Variants in CST9L observed in about 807,000 individuals in gnomAD.
The protein encoded by CST9L is cystatin-9-like.
Under a neutral mutation model 13.2 loss-of-function variants are expected in CST9L, and 17 were observed. That is an observed-to-expected ratio of 1.29 (90% CI 0.88 to 1.93). CST9L has a LOEUF of 1.93. Ranked by LOEUF, CST9L falls within the 30% of genes most tolerant of loss-of-function variation. The pLI is 0.00. For missense variants in CST9L, 170 were observed against 170.5 expected (o/e 1.00, Z 0.02); for synonymous variants, 78 against 69.1 (o/e 1.13, Z -0.64).
rs1989073152 is a variant in CST9L at position 23,565,112 on chromosome 20, G to C, written c.355-75C>G. 10 of 1,036,648 alleles carry C rather than the reference G, an allele frequency of 9.6e-6. No homozygotes were observed. In the East Asian group the frequency reaches 2.4e-4, roughly 25 times the overall value. The allele number at this position is 1,036,648 out of a possible 1,614,324, so 64.2% of individuals were successfully genotyped here. ...GCTCATGGCTCAAGCTCTGAACAAT[G>C]GCTTCCTCTCCACATTGCCCTTTCC... On this transcript the variant is annotated intron_variant, in intron 2 of 2. Transcript: ENST00000376979.
Position 23,564,894 on chromosome 20 carries a change from G to C in CST9L, c.*54C>G. The C allele has an allele frequency of 8.1e-7, 1 of 1,240,168 alleles. No homozygotes were observed. The highest frequency in any genetic ancestry group is 1.2e-6 in the Non-Finnish European group (1 of 838,408). The allele number at this position is 1,240,168 out of a possible 1,614,324, so 76.8% of individuals were successfully genotyped here. On this transcript the variant is annotated 3_prime_UTR_variant, in exon 3 of 3. Transcript: ENST00000376979. ...GAAGAGTCCTCAGGAGAGTAGTGCT[G>C]ATGTCCACGGAATGTGGGAGCAGCA...
rs6048887 is a variant in CST9L, at chr20:23,567,908, C to T, written c.240+303G>A. 2.5e-3 allele frequency among the ~76,000 whole-genome samples: 375 copies of T among 151,882 alleles called. 2 individuals carry two copies. Among genetic ancestry groups the T allele is most frequent in the African/African-American group, 8.7e-3 (360 of 41,412 alleles). ...TTCTGTTCAGCCCTTTTCCTTATTC[C>T]GTATCTTCATTTTCTTGGTAGTCCT... On this transcript the variant is annotated intron_variant, in intron 1 of 2. Transcript: ENST00000376979.
At position 23,568,301 on chromosome 20, in the gene CST9L, T is replaced by C; in HGVS notation, c.150A>G (p.Thr50=). The C allele has an allele frequency of 6.2e-7, 1 of 1,614,158 alleles. No individual in the cohort carries two copies. Among genetic ancestry groups the C allele is most frequent in the African/African-American group, 1.3e-5 (1 of 75,018 alleles). The change falls in exon 1 of 3, where the codon ACA becomes ACG. Residue 50 remains threonine, a synonymous_variant. Transcript: ENST00000376979. ...TGAATGTGTGGACAGCAAACTCCAC[T>C]GTGGCAGGGAGGTAACGAGCCATGA... ...HNVMARYLPA[T]VEFAVHTFNQ...
At chr20:23,567,070 G>A (rs1027135053) in intron 1 of CST9L, among the ~76,000 whole-genome samples, 4 of 152,212 alleles carry the variant, frequency 2.6e-5, no homozygotes, top group African/African-American at 4.8e-5. Context: ...CCAGCCCAGA[G>A]AGCAGGGGTC....
intron 1 of CST9L, 52 bp from the exon 2 acceptor site, chr20:23,566,139 G>A (rs1989093013): frequency 1.0e-6 from 1 of 984,016 alleles, no homozygotes; most frequent in African/African-American, 1.6e-5. Context: ...TTGCCCCTAA[G>A]TAGCTGCTGG....
chr20:23,565,531 C>A (rs1989080165), intron 2 of CST9L, among the ~76,000 whole-genome samples: 1 of 152,150 alleles, frequency 6.6e-6, no homozygotes, highest in Admixed American at 6.6e-5. Flanking sequence ...AGTGGGGCTC[C>A]TTCTCAGCCT....
At chr20:23,566,617 G>A (rs1989099143) in intron 1 of CST9L, among the ~76,000 whole-genome samples, 1 of 152,214 alleles carries the variant, frequency 6.6e-6, no homozygotes, top group Non-Finnish European at 1.5e-5. Context: ...CGGGTGTGGT[G>A]GCTCACACCT....
At chr20:23,567,009 C>T (rs368842689) in intron 1 of CST9L, among the ~76,000 whole-genome samples, 1 of 152,238 alleles carries the variant, frequency 6.6e-6, no homozygotes, top group African/African-American at 2.4e-5. Flanking sequence ...ATTTCCCCAA[C>T]TCCAAAACTG....
At chr20:23,567,849 T>G (rs892145995) in intron 1 of CST9L, among the ~76,000 whole-genome samples, 6 of 152,192 alleles carry the variant, frequency 3.9e-5, no homozygotes, top group African/African-American at 1.4e-4. Context: ...TTACATTTTT[T>G]GGAAGTATTT....
At chr20:23,566,655 G>T (rs1242643290) in intron 1 of CST9L, among the ~76,000 whole-genome samples, 1 of 152,218 alleles carries the variant, frequency 6.6e-6, no homozygotes, top group Admixed American at 6.5e-5. Flanking sequence ...GGAGGCTGGG[G>T]TGGGTGAATA....
At chr20:23,568,108 T>C in intron 1 of CST9L, 103 bp downstream of exon 1, 2 of 1,199,228 alleles carry the variant, frequency 1.7e-6, no homozygotes, top group South Asian at 2.7e-5. Flanking sequence ...CTACAACTGG[T>C]GAACAAGACT....
At position 23,568,216 on chromosome 20, in the gene CST9L, C is replaced by A. The variant is rs746271617; in HGVS notation, c.235G>T (p.Glu79Ter). The A allele has an allele frequency of 2.5e-6, 4 of 1,614,164 alleles. No individual in the cohort carries two copies. Among genetic ancestry groups the A allele is most frequent in the Non-Finnish European group, 3.4e-6 (4 of 1,180,030 alleles). ...GAGGGTACGTGGTCACCAACCTGCT[C>A]CTTCCAGGAATTCAAGATGTGCCCC... Reference protein sequence around the residue: ...RLGHILNSWKEQVESKTVFSM... With the variant: ...RLGHILNSWK Residue 79 changes from glutamate (E) to a stop codon, truncating the protein, a stop_gained, in exon 1 of 3, where the codon GAG (glutamate) becomes TAG (stop). Transcript: ENST00000376979. LOFTEE classifies it high-confidence loss of function.
At chr20:23,565,704 G>A (rs1211196295) in intron 2 of CST9L, among the ~76,000 whole-genome samples, 2 of 152,212 alleles carry the variant, frequency 1.3e-5, no homozygotes, top group Admixed American at 6.5e-5. Flanking sequence ...GGGGGAAAGA[G>A]CAGTCTGAAG....
intron 2 of CST9L, among the ~76,000 whole-genome samples, chr20:23,565,537 A>G (rs1244792193): frequency 6.6e-6 from 1 of 152,094 alleles, no homozygotes; most frequent in African/African-American, 2.4e-5. Flanking sequence ...GCTCCTTCTC[A>G]GCCTCTACCA....
intron 2 of CST9L, among the ~76,000 whole-genome samples, chr20:23,565,456 C>A (rs1381981217): frequency 6.6e-6 from 1 of 152,158 alleles, no homozygotes; most frequent in East Asian, 1.9e-4. Context: ...CAGAGCCAGG[C>A]TTTACTTGGA....
Position 23,568,408 on chromosome 20 carries a change from G to C in CST9L, c.43C>G (p.Leu15Val), listed in dbSNP as rs374292045. The C allele has an allele frequency of 6.2e-7, 1 of 1,614,040 alleles. No homozygotes were observed. Among genetic ancestry groups the C allele is most frequent in the Non-Finnish European group, 8.5e-7 (1 of 1,180,024 alleles). ...ATCTGGGAGCCTAAGAGAAGCAGCA[G>C]CAGCGCCCAGGACAGACCTCCCTTC... ...PWKGGLSWAL[L>V]LLLLGSQILL... Residue 15 changes from leucine (L) to valine (V), a missense_variant, in exon 1 of 3, where the codon CTG becomes GTG. Transcript: ENST00000376979.
At chr20:23,567,832 T>C (rs558261809) in intron 1 of CST9L, among the ~76,000 whole-genome samples, 1 of 152,278 alleles carries the variant, frequency 6.6e-6, no homozygotes, top group Non-Finnish European at 1.5e-5. Context: ...AAATTATCTC[T>C]TTTTTATTAC....
chr20:23,565,962 G>A lies in CST9L; in HGVS notation c.354+12C>T, dbSNP rs750815990. 1.3e-5 allele frequency: 19 copies of A among 1,424,104 alleles called. No individual in the cohort carries two copies. Among genetic ancestry groups the A allele is most frequent in the Non-Finnish European group, 1.9e-5 (19 of 1,006,258 alleles). The allele number at this position is 1,424,104 out of a possible 1,614,324, so 88.2% of individuals were successfully genotyped here. Reference sequence around the variant, plus strand: ...AGCTGTATCCAGGAGGGAAGCTGGTGTCCTGTCTTACATTGTTCAGCTCTG... The same window carrying A: ...AGCTGTATCCAGGAGGGAAGCTGGTATCCTGTCTTACATTGTTCAGCTCTG... On this transcript the variant is annotated intron_variant, in intron 2 of 2. Transcript: ENST00000376979.
At chr20:23,566,674 G>A (rs939084112) in intron 1 of CST9L, among the ~76,000 whole-genome samples, 70 of 151,858 alleles carry the variant, frequency 4.6e-4, no homozygotes, top group African/African-American at 1.6e-3. Flanking sequence ...TAATGAGGTC[G>A]GGAGTTCGAG....
Sources: allele counts gnomAD v4.1 joint callset (sites outside exome capture counted in the v4.1 genomes callset), GRCh38; gene constraint gnomAD v4.1.1; transcripts MANE v1.5; gene names NCBI Gene and HGNC (gene_info 2026-07-23, HGNC 2026-07-21).